The following SMPD3 variants were observed in gnomAD, a reference collection of about 807,000 sequenced individuals.
SMPD3 encodes sphingomyelin phosphodiesterase 3, also known as nSMase-2.
Under a neutral mutation model 55.7 loss-of-function variants are expected in SMPD3, and 21 were observed. That is an observed-to-expected ratio of 0.38 (90% CI 0.27 to 0.54). The LOEUF (loss-of-function observed/expected upper bound fraction) is 0.54. Among genes scored for constraint, SMPD3 ranks in the 20% least tolerant of loss-of-function variants. The pLI is 0.80. For missense variants in SMPD3, 842 were observed against 899.6 expected (o/e 0.94, Z 0.82); for synonymous variants, 457 against 404.3 (o/e 1.13, Z -1.56).
intron 1 of SMPD3, among the ~76,000 whole-genome samples, chr16:68,416,203 C>T (rs1322822043): frequency 1.3e-5 from 2 of 152,250 alleles, no homozygotes; most frequent in African/African-American, 4.8e-5. Context: ...CCAGCGCTTC[C>T]TGCTGGGCCC....
At chr16:68,361,546 G>A (rs1348307031) in intron 8 of SMPD3, 57 bp downstream of exon 8, 1 of 1,587,368 alleles carries the variant, frequency 6.3e-7, no homozygotes. Flanking sequence ...AGAGCTGCAG[G>A]GCCCGGGCCC....
At chr16:68,397,194 C>A (rs919938659) in intron 1 of SMPD3, among the ~76,000 whole-genome samples, 30 of 152,152 alleles carry the variant, frequency 2.0e-4, no homozygotes, top group African/African-American at 7.2e-4. Context: ...ACAGGAGGCA[C>A]CCATAGGTAA....
At chr16:68,420,163 G>A (rs896212334) in intron 1 of SMPD3, among the ~76,000 whole-genome samples, 4 of 151,982 alleles carry the variant, frequency 2.6e-5, no homozygotes, top group African/African-American at 4.8e-5. Flanking sequence ...GGCTGGTACC[G>A]AACTCCTGAC....
chr16:68,387,646 C>T (rs1449082820), intron 1 of SMPD3, among the ~76,000 whole-genome samples: 7 of 152,220 alleles, frequency 4.6e-5, no homozygotes, highest in Admixed American at 4.6e-4. Context: ...AGTTCAGCAG[C>T]CCCCTGCCCA....
intron 3 of SMPD3, among the ~76,000 whole-genome samples, chr16:68,366,947 A>G (rs2089496666): frequency 6.6e-6 from 1 of 151,284 alleles, no homozygotes; most frequent in South Asian, 2.1e-4. Flanking sequence ...GGCGGAGGTC[A>G]CAGTGAGCCA....
chr16:68,424,737 G>T (rs958290905), intron 1 of SMPD3, among the ~76,000 whole-genome samples: 1 of 151,998 alleles, frequency 6.6e-6, no homozygotes, highest in Non-Finnish European at 1.5e-5. Context: ...TTGAGATGGG[G>T]TCTCACTCTG....
At chr16:68,395,872 C>A (rs987643429) in intron 1 of SMPD3, among the ~76,000 whole-genome samples, 4 of 152,078 alleles carry the variant, frequency 2.6e-5, no homozygotes, top group African/African-American at 9.7e-5. Context: ...TAAAAAAGAT[C>A]TTGGTTTCCT....
chr16:68,439,691 TG>T (rs760324307), intron 1 of SMPD3, among the ~76,000 whole-genome samples: 3 of 152,212 alleles, frequency 2.0e-5, no homozygotes, highest in Non-Finnish European at 2.9e-5. Flanking sequence ...AAGCCTTCAC[TG>T]AGCTTAATAC....
chr16:68,433,724 C>A (rs2090498214), intron 1 of SMPD3, among the ~76,000 whole-genome samples: 1 of 152,204 alleles, frequency 6.6e-6, no homozygotes, highest in Admixed American at 6.5e-5. Context: ...AGCGAAGAAG[C>A]CCAGGCTGTG....
chr16:68,377,584 G>A (rs2089848336), intron 2 of SMPD3, among the ~76,000 whole-genome samples: 1 of 152,196 alleles, frequency 6.6e-6, no homozygotes, highest in Non-Finnish European at 1.5e-5. Context: ...ACACTGGCCT[G>A]AGGGCTCAGG....
At chr16:68,413,336 G>C (rs964366914) in intron 1 of SMPD3, among the ~76,000 whole-genome samples, 1 of 152,228 alleles carries the variant, frequency 6.6e-6, no homozygotes, top group Non-Finnish European at 1.5e-5. Flanking sequence ...AGCATGAGCT[G>C]TGAAGCCTTG....
rs973789547 is a variant in SMPD3, at chr16:68,447,036, C to G, written c.-269+1317G>C. Among the ~76,000 whole-genome samples the G allele has an allele frequency of 6.6e-6, 1 of 152,090 alleles. No homozygotes were observed. The highest frequency in any genetic ancestry group is 1.5e-5 in the Non-Finnish European group (1 of 68,006). On this transcript the variant is annotated intron_variant, in intron 1 of 8. Coordinates refer to ENST00000219334, the MANE Select transcript of SMPD3 (RefSeq NM_018667.4). The surrounding 1 kb of genome is among the most constrained non-coding windows in gnomAD (Gnocchi z 5.1). The stretch of plus-strand genomic sequence containing the variant: ...AGCCGGTGCGCTTTGTCTCCCGCCC[C>G]GCTCCTGGCACGTTTCCGTGGAAGC...
In SMPD3 at chr16:68,440,997, GC is replaced by G. The variant is rs568894070; in HGVS notation, c.-269+7355del. 4.7e-3 allele frequency among the ~76,000 whole-genome samples: 714 copies of G among 152,270 alleles called. 3 individuals carry two copies. Among genetic ancestry groups the G allele is most frequent in the South Asian group, 0.022 (104 of 4,814 alleles). Reference sequence around the variant, plus strand: ...CATCATTATCTGCCAGAAAATAGGGGCCGCATACTTAGCAAGTGTTTTCAAT... The same window carrying G: ...CATCATTATCTGCCAGAAAATAGGGGCGCATACTTAGCAAGTGTTTTCAAT... On this transcript the variant is annotated intron_variant, in intron 1 of 8. Coordinates refer to ENST00000219334, the MANE Select transcript of SMPD3 (RefSeq NM_018667.4).
At chr16:68,439,438 A>T (rs2090549603) in intron 1 of SMPD3, among the ~76,000 whole-genome samples, 1 of 152,268 alleles carries the variant, frequency 6.6e-6, no homozygotes, top group African/African-American at 2.4e-5. Flanking sequence ...AAGAATGAGT[A>T]GGAAAATGTG....
intron 1 of SMPD3, among the ~76,000 whole-genome samples, chr16:68,425,854 G>A (rs115969741): frequency 6.6e-6 from 1 of 152,148 alleles, no homozygotes; most frequent in African/African-American, 2.4e-5. Context: ...CAACACCTGG[G>A]TTTGTCAGCC....
intron 1 of SMPD3, among the ~76,000 whole-genome samples, chr16:68,428,846 G>A (rs2090458031): frequency 6.6e-6 from 1 of 152,170 alleles, no homozygotes; most frequent in Non-Finnish European, 1.5e-5. Flanking sequence ...AGCAGCGTGT[G>A]CAGAGAGCCC....
chr16:68,395,055 C>T (rs2090143733), intron 1 of SMPD3, among the ~76,000 whole-genome samples: 1 of 146,260 alleles, frequency 6.8e-6, no homozygotes, highest in African/African-American at 2.5e-5. Flanking sequence ...GAAATGCTTA[C>T]ATATATATAT....
chr16:68,411,326 T>C (rs559528373), intron 1 of SMPD3, among the ~76,000 whole-genome samples: 1 of 152,328 alleles, frequency 6.6e-6, no homozygotes, highest in South Asian at 2.1e-4. Context: ...GCTCCAGGTG[T>C]GGCGGCCACA....
At position 68,371,404 on chromosome 16, in the gene SMPD3, C is replaced by A; in HGVS notation, c.778G>T (p.Asp260Tyr). Residue 260 changes from aspartate (D) to tyrosine (Y), a missense_variant, in exon 3 of 9, where the codon GAC becomes TAC. Coordinates refer to ENST00000219334, the MANE Select transcript of SMPD3 (RefSeq NM_018667.4). ...CTGGCCTGGCCCCCAGGCACAGGGT[C>A]GTCAGCTTCAGGTGGCCGGCCGCCC... ...EEGGRPPEAD[D>Y]PVPGGQARNG... 6.4e-7 allele frequency: 1 copy of A among 1,568,550 alleles called. No homozygotes were observed. The highest frequency in any genetic ancestry group is 1.2e-5 in the South Asian group (1 of 86,152).
Sources: gnomAD v4.1 joint callset for allele counts (sites outside exome capture counted in the v4.1 genomes callset) on GRCh38, gnomAD v4.1.1 for gene constraint, Gnocchi (gnomAD v3.1) non-coding constraint, MANE v1.5 for transcripts, NCBI Gene and HGNC (gene_info 2026-07-23, HGNC 2026-07-21) for gene names.